The following RNGTT variants were observed in gnomAD, a reference collection of about 807,000 sequenced individuals.
RNGTT encodes the protein RNA guanylyltransferase and 5'-phosphatase.
In RNGTT, 33 loss-of-function variants were observed where a neutral mutation model predicts 79.3. The ratio of observed to expected loss-of-function variants is 0.42; its 90% confidence interval spans 0.32 to 0.56. RNGTT has a LOEUF of 0.56. Among genes scored for constraint, RNGTT ranks in the 20% least tolerant of loss-of-function variants. The pLI is 0.17. For missense variants in RNGTT, 497 were observed against 739.1 expected, an observed-to-expected ratio of 0.67 and a Z score of 3.80; for synonymous variants, 222 against 235.9, an observed-to-expected ratio of 0.94 and a Z score of 0.54.
chr6:88,698,153 C>CATATGATATATATGACATAT (rs796485080), intron 13 of RNGTT, among the ~76,000 whole-genome samples: 2 of 65,810 alleles, frequency 3.0e-5, no homozygotes, highest in East Asian at 5.8e-4. Flanking sequence ...ATATGAAATA[C>CATATGATATATATGACATAT]ATATGATATA....
chr6:88,649,557 C>T (rs1054681513), intron 14 of RNGTT, among the ~76,000 whole-genome samples: 2 of 152,002 alleles, frequency 1.3e-5, no homozygotes, highest in Non-Finnish European at 2.9e-5. Flanking sequence ...ATTAGCTGGG[C>T]GTGGTGGCGG....
At chr6:88,613,950 A>C (rs2127844958) in intron 15 of RNGTT, among the ~76,000 whole-genome samples, 1 of 152,326 alleles carries the variant, frequency 6.6e-6, no homozygotes, top group Non-Finnish European at 1.5e-5. Flanking sequence ...AATGGTTTTT[A>C]TAGTTTTGAA....
At chr6:88,823,225 G>A (rs895368457) in intron 11 of RNGTT, among the ~76,000 whole-genome samples, 3 of 152,102 alleles carry the variant, frequency 2.0e-5, no homozygotes, top group African/African-American at 4.8e-5. Context: ...TCAGGAGTTC[G>A]AGACCAGCCT....
chr6:88,846,313 A>G (rs1183016154), intron 10 of RNGTT, among the ~76,000 whole-genome samples: 1 of 152,264 alleles, frequency 6.6e-6, no homozygotes, highest in Non-Finnish European at 1.5e-5. Context: ...GTATATTCAT[A>G]TCATTACTAT....
intron 8 of RNGTT, among the ~76,000 whole-genome samples, chr6:88,857,732 G>A (rs1284383227): frequency 1.3e-5 from 2 of 152,068 alleles, no homozygotes; most frequent in Non-Finnish European, 1.5e-5. Flanking sequence ...CAGAGGAAAG[G>A]AGGAGGACAA....
chr6:88,656,336 G>A (rs1345103735), intron 14 of RNGTT, among the ~76,000 whole-genome samples: 5 of 152,132 alleles, frequency 3.3e-5, no homozygotes, highest in Non-Finnish European at 7.4e-5. Context: ...GATATGTTAA[G>A]CATGTCCTTT....
chr6:88,650,129 T>C (rs1310992502), intron 14 of RNGTT, among the ~76,000 whole-genome samples: 2 of 152,202 alleles, frequency 1.3e-5, no homozygotes, highest in African/African-American at 4.8e-5. Context: ...CGGAATAGCA[T>C]GGAAGAGTTC....
At chr6:88,741,976 T>G (rs1777506928) in intron 13 of RNGTT, among the ~76,000 whole-genome samples, 1 of 152,206 alleles carries the variant, frequency 6.6e-6, no homozygotes, top group Admixed American at 6.5e-5. Context: ...AAAAATAACC[T>G]AAATCTAAAA....
rs1022603547 is a variant in RNGTT at position 88,786,462 on chromosome 6, G to C, written c.1338+15102C>G. ...GTTAAAATATTCATTTTTAAGTGAC[G>C]AATGGCCAAAAATTAGCAATTCAAA... On this transcript the variant is annotated intron_variant, in intron 12 of 15. Transcript: ENST00000369485. Among the ~76,000 whole-genome samples, 3 of 151,984 alleles carry C rather than the reference G, an allele frequency of 2.0e-5. No individual in the cohort carries two copies. The East Asian group carries it at 5.8e-4, about 29-fold the overall frequency.
At chr6:88,844,165 A>G (rs1208637410) in intron 11 of RNGTT, among the ~76,000 whole-genome samples, 192 bp downstream of exon 11, 1 of 152,066 alleles carries the variant, frequency 6.6e-6, no homozygotes, top group Non-Finnish European at 1.5e-5. Context: ...TTCAGGTGCC[A>G]CCACTGAGAA....
At chr6:88,867,129 T>G (rs987059331) in intron 8 of RNGTT, among the ~76,000 whole-genome samples, 2 of 152,158 alleles carry the variant, frequency 1.3e-5, no homozygotes, top group Non-Finnish European at 2.9e-5. Context: ...CATAGAATTG[T>G]GAGAAGCACT....
At chr6:88,866,792 T>C (rs1782181153) in intron 8 of RNGTT, among the ~76,000 whole-genome samples, 1 of 152,238 alleles carries the variant, frequency 6.6e-6, no homozygotes, top group African/African-American at 2.4e-5. Flanking sequence ...TGAGCTGCCA[T>C]CTATTTAGGG....
At chr6:88,843,028 T>G (rs1310584222) in intron 11 of RNGTT, among the ~76,000 whole-genome samples, 3 of 151,968 alleles carry the variant, frequency 2.0e-5, no homozygotes, top group Non-Finnish European at 2.9e-5. Context: ...TGAGCCGAGA[T>G]GGCACCATTG....
At chr6:88,615,784 T>C (rs1244798398) in intron 14 of RNGTT, among the ~76,000 whole-genome samples, 2 of 152,172 alleles carry the variant, frequency 1.3e-5, no homozygotes, top group Non-Finnish European at 2.9e-5. Context: ...AGAATAATAA[T>C]TGAAAGTGCC....
chr6:88,739,177 AAC>A (rs1377284404), intron 13 of RNGTT, among the ~76,000 whole-genome samples: 2 of 152,242 alleles, frequency 1.3e-5, no homozygotes, highest in East Asian at 3.9e-4. Flanking sequence ...AGAAGCATTA[AAC>A]ACACAAATGA....
At chr6:88,913,204 C>CAAAA (rs1362127604) in intron 4 of RNGTT, among the ~76,000 whole-genome samples, 1 of 53,432 alleles carries the variant, frequency 1.9e-5, no homozygotes, top group African/African-American at 6.8e-5. Flanking sequence ...AGCTCTGTCT[C>CAAAA]AAAAAAAAAC....
At chr6:88,695,802 T>C (rs1017991819) in intron 13 of RNGTT, among the ~76,000 whole-genome samples, 3 of 152,192 alleles carry the variant, frequency 2.0e-5, no homozygotes, top group African/African-American at 7.2e-5. Context: ...CATAAACAAA[T>C]GGAATACTAT....
intron 8 of RNGTT, among the ~76,000 whole-genome samples, chr6:88,885,034 C>T (rs534974831): frequency 3.3e-5 from 5 of 151,566 alleles, no homozygotes; most frequent in East Asian, 1.9e-4. Context: ...AGTACGAACT[C>T]GTGATTTTGA....
At chr6:88,725,318 C>G (rs1776854395) in intron 13 of RNGTT, among the ~76,000 whole-genome samples, 1 of 152,092 alleles carries the variant, frequency 6.6e-6, no homozygotes, top group Non-Finnish European at 1.5e-5. Context: ...TCCTCATATA[C>G]TGCCATGATG....
Sources: allele counts gnomAD v4.1 joint callset (sites outside exome capture counted in the v4.1 genomes callset), GRCh38; gene constraint gnomAD v4.1.1; transcripts MANE v1.5; gene names NCBI Gene and HGNC (gene_info 2026-07-23, HGNC 2026-07-21).